The following ARHGEF3 variants were observed in gnomAD, a reference collection of about 807,000 sequenced individuals.
ARHGEF3 encodes Rho guanine nucleotide exchange factor 3.
A neutral mutation model predicts 63.2 loss-of-function variants in ARHGEF3; 28 were observed. That is an observed-to-expected ratio of 0.44 (90% CI 0.33 to 0.61). ARHGEF3 has a LOEUF of 0.61. Ranked by LOEUF, ARHGEF3 falls within the 20% of genes least tolerant of loss-of-function variation. ARHGEF3 has a pLI of 0.03. For missense variants in ARHGEF3, 533 were observed against 659.3 expected (o/e 0.81, Z 2.10); for synonymous variants, 266 against 254.2 (o/e 1.05, Z -0.44).
At chr3:56,968,161 TATTATATAATATATATAAAA>T (rs1700697565) in intron 2 of ARHGEF3, among the ~76,000 whole-genome samples, 1 of 29,828 alleles carries the variant, frequency 3.4e-5, no homozygotes, top group African/African-American at 9.5e-5. Flanking sequence ...TAAAAATATA[TATTATATAATATATATAAAA>T]ATATATATTA....
At chr3:57,007,576 C>A (rs930668379) in intron 2 of ARHGEF3, among the ~76,000 whole-genome samples, 2 of 152,140 alleles carry the variant, frequency 1.3e-5, no homozygotes, top group African/African-American at 4.8e-5. Context: ...GAGGCCATGC[C>A]TGCAGTGTTG....
At chr3:57,006,057 A>G (rs1343025873) in intron 2 of ARHGEF3, among the ~76,000 whole-genome samples, 8 of 152,178 alleles carry the variant, frequency 5.3e-5, no homozygotes, top group Non-Finnish European at 1.0e-4. Context: ...TGGCCCCATA[A>G]CTGTAAATAA....
rs568004052 is a variant in ARHGEF3 at position 56,787,266 on chromosome 3, G to A, written c.97-13450C>T. On this transcript the variant is annotated intron_variant, in intron 1 of 9. Coordinates refer to ENST00000296315, the MANE Select transcript of ARHGEF3 (RefSeq NM_019555.3). ...AACATTTGAGAGTCAAGCGAGGGGCGCCCCTGAGTTTGCAAAGCAGGACTG... is the reference window on the plus strand; with the variant it reads ...AACATTTGAGAGTCAAGCGAGGGGCACCCCTGAGTTTGCAAAGCAGGACTG... Among the ~76,000 whole-genome samples the A allele has an allele frequency of 3.9e-5, 6 of 152,208 alleles. No homozygotes were observed. In the East Asian group the frequency reaches 7.7e-4, roughly 20 times the overall value.
intron 3 of ARHGEF3, among the ~76,000 whole-genome samples, chr3:56,883,458 C>G (rs1168971181): frequency 6.6e-6 from 1 of 152,080 alleles, no homozygotes; most frequent in Non-Finnish European, 1.5e-5. Context: ...CACCACCACA[C>G]TGGGCTAATT....
intron 4 of ARHGEF3, among the ~76,000 whole-genome samples, chr3:56,878,176 G>A (rs567950496): frequency 6.6e-6 from 1 of 152,124 alleles, no homozygotes; most frequent in Non-Finnish European, 1.5e-5. Context: ...TGGCACCAAG[G>A]GCCTTTCCTG....
chr3:57,074,274 A>G (rs771380985), intron 1 of ARHGEF3: 1 of 1,601,956 alleles, frequency 6.2e-7, no homozygotes, highest in Non-Finnish European at 8.5e-7. Flanking sequence ...GTAATCAATA[A>G]TAATCCTGCA....
chr3:57,015,588 C>G (rs1702958720), intron 2 of ARHGEF3, among the ~76,000 whole-genome samples: 1 of 150,306 alleles, frequency 6.7e-6, no homozygotes, highest in Non-Finnish European at 1.5e-5. Flanking sequence ...CGGACACCAC[C>G]ACGCCCTGCT....
At chr3:57,015,522 A>T (rs912277253) in intron 2 of ARHGEF3, among the ~76,000 whole-genome samples, 2 of 150,524 alleles carry the variant, frequency 1.3e-5, no homozygotes, top group Admixed American at 6.7e-5. Context: ...TAACCTCAAC[A>T]TTCTGGGCTC....
chr3:56,884,210 G>A (rs1234226362), intron 3 of ARHGEF3, among the ~76,000 whole-genome samples: 1 of 152,174 alleles, frequency 6.6e-6, no homozygotes, highest in African/African-American at 2.4e-5. Flanking sequence ...CTCAAAGGAA[G>A]AGGAGTAAAT....
chr3:56,809,877 T>C (rs1443459097), intron 4 of ARHGEF3, among the ~76,000 whole-genome samples: 1 of 151,988 alleles, frequency 6.6e-6, no homozygotes, highest in Non-Finnish European at 1.5e-5. Context: ...GGATTACAGA[T>C]GTGCACCACC....
intron 3 of ARHGEF3, among the ~76,000 whole-genome samples, chr3:56,952,102 T>C (rs1399767764): frequency 2.6e-5 from 4 of 152,010 alleles, no homozygotes; most frequent in Non-Finnish European, 4.4e-5. Context: ...TAACTAATCA[T>C]TGGCTTTTAG....
chr3:56,969,799 G>A (rs1440269538), intron 2 of ARHGEF3, among the ~76,000 whole-genome samples: 6 of 149,646 alleles, frequency 4.0e-5, no homozygotes, highest in Non-Finnish European at 8.9e-5. Context: ...CATATGAAAC[G>A]TTCATCAACT....
chr3:56,890,123 T>A (rs1313015291), intron 3 of ARHGEF3, among the ~76,000 whole-genome samples: 3 of 152,152 alleles, frequency 2.0e-5, no homozygotes, highest in Non-Finnish European at 4.4e-5. Flanking sequence ...TAAAACAATA[T>A]AAAAAGACCC....
intron 2 of ARHGEF3, among the ~76,000 whole-genome samples, chr3:56,763,183 A>G (rs749425434): frequency 3.9e-5 from 6 of 152,144 alleles, no homozygotes; most frequent in Non-Finnish European, 5.9e-5. Context: ...GTGCATAATA[A>G]TAAGTACCTC....
chr3:56,952,021 T>C (rs1699835801), intron 3 of ARHGEF3, among the ~76,000 whole-genome samples: 1 of 151,980 alleles, frequency 6.6e-6, no homozygotes, highest in Non-Finnish European at 1.5e-5. Context: ...TGTATACACC[T>C]TGTATAATCC....
chr3:57,073,483 A>G, intron 1 of ARHGEF3: 1 of 673,088 alleles, frequency 1.5e-6, no homozygotes, highest in Non-Finnish European at 2.3e-6. Context: ...AAAGATGTGA[A>G]CATGGGAAAA....
chr3:56,949,454 G>A (rs1290363472), intron 3 of ARHGEF3, among the ~76,000 whole-genome samples: 1 of 151,926 alleles, frequency 6.6e-6, no homozygotes, highest in African/African-American at 2.4e-5. Context: ...AAATCAATGT[G>A]CAAAAATCAC....
At chr3:56,974,924 C>T (rs1411271885) in intron 2 of ARHGEF3, among the ~76,000 whole-genome samples, 1 of 152,164 alleles carries the variant, frequency 6.6e-6, no homozygotes, top group Non-Finnish European at 1.5e-5. Context: ...CTTGTTTGTG[C>T]TCTGCCTTCC....
At position 56,752,954 on chromosome 3, in the gene ARHGEF3, G is replaced by C. The variant is rs542499814; in HGVS notation, c.438+550C>G. On this transcript the variant is annotated intron_variant, in intron 4 of 9. Transcript: ENST00000296315. Reference sequence around the variant, plus strand: ...AAGGAGTCTGGATTTTAGCCTCCAAGCCATGGAGTTGGGGGGCTGTGCCAC... The same window carrying C: ...AAGGAGTCTGGATTTTAGCCTCCAACCCATGGAGTTGGGGGGCTGTGCCAC... Among the ~76,000 whole-genome samples the C allele has an allele frequency of 4.6e-5, 7 of 152,336 alleles. No homozygotes were observed. In the South Asian group the frequency reaches 1.4e-3, roughly 32 times the overall value.
Sources: allele counts gnomAD v4.1 joint callset (sites outside exome capture counted in the v4.1 genomes callset), GRCh38; gene constraint gnomAD v4.1.1; transcripts MANE v1.5; gene names NCBI Gene and HGNC (gene_info 2026-07-23, HGNC 2026-07-21).